The following TRAPPC8 variants were observed in gnomAD, a reference collection of about 807,000 sequenced individuals.
TRAPPC8 encodes the protein trafficking protein particle complex subunit 8, also known as general sporulation gene 1 homolog.
Under a neutral mutation model 174.3 loss-of-function variants are expected in TRAPPC8, and 54 were observed. The observed-to-expected ratio is 0.31, with a 90% confidence interval of 0.25 to 0.39. TRAPPC8 has a LOEUF of 0.39. Among genes scored for constraint, TRAPPC8 ranks in the 10% least tolerant of loss-of-function variants. TRAPPC8 has a pLI of 1.00. For missense variants in TRAPPC8, 1,531 were observed against 1,699.1 expected, an observed-to-expected ratio of 0.90 and a Z score of 1.74; for synonymous variants, 630 against 579.9, an observed-to-expected ratio of 1.09 and a Z score of -1.24.
At chr18:31,839,239 G>A (rs2032946646) in intron 27 of TRAPPC8, 73 bp downstream of exon 27, 2 of 1,463,370 alleles carry the variant, frequency 1.4e-6, no homozygotes, top group Non-Finnish European at 1.8e-6. Flanking sequence ...TAATGTCACT[G>A]CCAAAATAAA....
intron 3 of TRAPPC8, among the ~76,000 whole-genome samples, chr18:31,916,764 C>CCTCA (rs1390306401): frequency 6.6e-6 from 1 of 151,314 alleles, no homozygotes; most frequent in Non-Finnish European, 1.5e-5. Context: ...GAACTCCTGA[C>CCTCA]CTCAGGTAAC....
At chr18:31,901,112 G>A (rs1452299181) in intron 9 of TRAPPC8, 87 bp from the exon 10 acceptor site, 1 of 1,236,664 alleles carries the variant, frequency 8.1e-7, no homozygotes, top group Non-Finnish European at 1.1e-6. Flanking sequence ...AATGAAATTT[G>A]CTGTTTTTTT....
rs79712667 is a variant in TRAPPC8, at chr18:31,856,807, C to CTTT, written c.3188+730_3188+732dup. 4.4e-3 allele frequency among the ~76,000 whole-genome samples: 481 copies of CTTT among 109,928 alleles called. 3 individuals are homozygous for CTTT. The highest frequency in any genetic ancestry group is 9.2e-3 in the African/African-American group (228 of 24,872). The allele number at this position is 109,928 out of a possible 152,430, so 72.1% of individuals were successfully genotyped here. ...TCCCTTGATATTCAAATGCTAAAAT[C>CTTT]TTTTTTTTTTTTTTTTTTTTTTGAG... is the stretch of plus-strand genomic sequence containing the variant. On this transcript the variant is annotated intron_variant, in intron 20 of 28. Transcript: ENST00000283351.
In TRAPPC8 at chr18:31,942,908, GA is replaced by G; in HGVS notation, c.-145del. The G allele has an allele frequency of 1.6e-6, 2 of 1,240,010 alleles. No homozygotes were observed. Among genetic ancestry groups the G allele is most frequent in the Non-Finnish European group, 2.0e-6 (2 of 992,166 alleles). The allele number at this position is 1,240,010 out of a possible 1,614,324, so 76.8% of individuals were successfully genotyped here. On this transcript the variant is annotated 5_prime_UTR_variant, in exon 1 of 29. Coordinates refer to ENST00000283351, the MANE Select transcript of TRAPPC8 (RefSeq NM_014939.5). Reference sequence around the variant, plus strand: ...CGCACTGGAGCCTAGAAACAAGAAGGAACAGACGCCGCCGCTTCGGTTTCTG... The same window carrying G: ...CGCACTGGAGCCTAGAAACAAGAAGGACAGACGCCGCCGCTTCGGTTTCTG...
At chr18:31,897,918 A>T (rs1049509734) in intron 10 of TRAPPC8, 27 bp from the exon 11 acceptor site, 5 of 1,578,460 alleles carry the variant, frequency 3.2e-6, no homozygotes, top group Non-Finnish European at 3.5e-6. Context: ...AAGAAGATAA[A>T]ATAGCACAAT....
chr18:31,914,348 C>A (rs1390787032), intron 4 of TRAPPC8, among the ~76,000 whole-genome samples: 1 of 152,120 alleles, frequency 6.6e-6, no homozygotes, highest in Admixed American at 6.5e-5. Flanking sequence ...CACTGAAGGA[C>A]AATAAAGCAA....
chr18:31,908,656 A>G (rs2036768882), intron 7 of TRAPPC8, 98 bp downstream of exon 7: 1 of 1,317,406 alleles, frequency 7.6e-7, no homozygotes, highest in East Asian at 2.6e-5. Flanking sequence ...GCCTATCTTA[A>G]AACGAAAATA....
At chr18:31,906,313 A>AC (rs2036657741) in intron 9 of TRAPPC8, among the ~76,000 whole-genome samples, 1 of 151,730 alleles carries the variant, frequency 6.6e-6, no homozygotes, top group African/African-American at 2.4e-5. Context: ...GGAAAAAAAA[A>AC]AAAAAAAAAA....
At chr18:31,837,422 C>T (rs973672941) in intron 27 of TRAPPC8, among the ~76,000 whole-genome samples, 5 of 152,158 alleles carry the variant, frequency 3.3e-5, no homozygotes, top group South Asian at 2.1e-4. Context: ...TATGGCTGAG[C>T]GTGGTGGCTC....
chr18:31,916,585 A>G (rs772428618), intron 3 of TRAPPC8, 139 bp from the exon 4 acceptor site: 56 of 814,410 alleles, frequency 6.9e-5, no homozygotes, highest in Non-Finnish European at 9.5e-5. Context: ...CAGGCTGGAG[A>G]GCAGTGGCGT....
At position 31,829,456 on chromosome 18, in the gene TRAPPC8, T is replaced by C. The variant is rs2032236431; in HGVS notation, c.*1299A>G. The C allele has an allele frequency of 6.6e-6, 1 of 152,218 alleles. No individual in the cohort carries two copies. The highest frequency in any genetic ancestry group is 1.5e-5 in the Non-Finnish European group (1 of 68,064). 9.4% of individuals were successfully genotyped at this position (152,218 alleles called of 1,614,324 possible). A position where few individuals can be genotyped will look rare whatever the true frequency, so the allele number is the denominator to read the frequency against. Reference sequence around the variant, plus strand: ...CTTCCTCTCCAACTTGTCCCACACCTGCTAAGACACAGAGTGGAAGGAGCT... The same window carrying C: ...CTTCCTCTCCAACTTGTCCCACACCCGCTAAGACACAGAGTGGAAGGAGCT... On this transcript the variant is annotated 3_prime_UTR_variant, in exon 29 of 29. Transcript: ENST00000283351.
chr18:31,929,725 T>G (rs1335892937), intron 2 of TRAPPC8, among the ~76,000 whole-genome samples: 1 of 152,170 alleles, frequency 6.6e-6, no homozygotes, highest in South Asian at 2.1e-4. Context: ...GGTTATCTAA[T>G]TAACTAATGA....
intron 16 of TRAPPC8, among the ~76,000 whole-genome samples, chr18:31,869,393 G>A (rs1263873688): frequency 6.6e-6 from 1 of 152,162 alleles, no homozygotes; most frequent in African/African-American, 2.4e-5. Flanking sequence ...AGTTAATACT[G>A]CTTACTGTCA....
At chr18:31,887,646 C>CA (rs34562657) in intron 12 of TRAPPC8, among the ~76,000 whole-genome samples, 9,880 of 98,228 alleles carry the variant, frequency 0.1, 470 homozygotes, top group Middle Eastern at 0.18. Context: ...AACTCCATCT[C>CA]AAAAAAAAAA....
chr18:31,855,542 A>G, intron 21 of TRAPPC8, 118 bp downstream of exon 21: 1 of 806,826 alleles, frequency 1.2e-6, no homozygotes, highest in South Asian at 2.0e-5. Flanking sequence ...TTCTACATGA[A>G]CATTCCTAAA....
chr18:31,843,180 TTAAAAA>T (rs1401211567), intron 26 of TRAPPC8, among the ~76,000 whole-genome samples: 1 of 152,164 alleles, frequency 6.6e-6, no homozygotes, highest in Non-Finnish European at 1.5e-5. Context: ...GCTCTTATAT[TTAAAAA>T]TAACAAGAGA....
At chr18:31,908,041 A>G (rs1333125182) in intron 8 of TRAPPC8, among the ~76,000 whole-genome samples, 2 of 152,218 alleles carry the variant, frequency 1.3e-5, no homozygotes, top group African/African-American at 4.8e-5. Flanking sequence ...AATGGTTACT[A>G]ATGAATACCT....
At chr18:31,903,006 T>C (rs1038332174) in intron 9 of TRAPPC8, among the ~76,000 whole-genome samples, 12 of 147,970 alleles carry the variant, frequency 8.1e-5, no homozygotes, top group African/African-American at 1.3e-4. Context: ...GCCGAGATCG[T>C]GCCACTGCAC....
chr18:31,870,344 T>C (rs750254410), intron 16 of TRAPPC8, 28 bp downstream of exon 16: 3 of 1,583,462 alleles, frequency 1.9e-6, no homozygotes, highest in South Asian at 2.3e-5. Context: ...AGCTGAAACA[T>C]AATTACAAAT....
Sources: gnomAD v4.1 joint callset for allele counts (sites outside exome capture counted in the v4.1 genomes callset) on GRCh38, gnomAD v4.1.1 for gene constraint, MANE v1.5 for transcripts, NCBI Gene and HGNC (gene_info 2026-07-23, HGNC 2026-07-21) for gene names.